BTG4: variants seen among roughly 807,000 people sequenced by gnomAD.
The protein encoded by BTG4 is BTG anti-proliferation factor 4.
BTG4 carries 10 observed loss-of-function variants against 19.3 expected under a neutral mutation model. The ratio of observed to expected loss-of-function variants is 0.52; its 90% confidence interval spans 0.32 to 0.88. The LOEUF is 0.88. Ranked by LOEUF, BTG4 falls within the 40% of genes least tolerant of loss-of-function variation. The probability of loss-of-function intolerance (pLI) is 0.04; values close to 1 mark genes in which losing one functional copy is unlikely to be tolerated. For missense variants in BTG4, 238 were observed against 281.9 expected, an observed-to-expected ratio of 0.84 and a Z score of 1.11; for synonymous variants, 91 against 95.7, an observed-to-expected ratio of 0.95 and a Z score of 0.29.
At chr11:111,431,269 CATAATG>C in the BTG4 span, among the ~76,000 whole-genome samples, 1 of 152,196 alleles carries the variant, frequency 6.6e-6, no homozygotes, top group South Asian at 2.1e-4. Flanking sequence ...GCCTAATAAA[CATAATG>C]ATAACTCCCT....
upstream of BTG4, chr11:111,514,062 T>G (rs1867126940): frequency 6.5e-6 from 1 of 152,900 alleles, no homozygotes; most frequent in South Asian, 2.1e-4. Flanking sequence ...TTGTTAATAC[T>G]TTTATAAGAA....
At chr11:111,388,101 G>A in the BTG4 span, among the ~76,000 whole-genome samples, 1 of 152,176 alleles carries the variant, frequency 6.6e-6, no homozygotes, top group Non-Finnish European at 1.5e-5. Context: ...AAGTCCCTAT[G>A]CTCAAGCAAG....
At chr11:111,390,041 A>G in the BTG4 span, among the ~76,000 whole-genome samples, 1 of 152,240 alleles carries the variant, frequency 6.6e-6, no homozygotes, top group Admixed American at 6.5e-5. Flanking sequence ...CATTTTACAT[A>G]TGAGGAAACA....
At chr11:111,445,545 G>T in the BTG4 span, among the ~76,000 whole-genome samples, 2 of 152,152 alleles carry the variant, frequency 1.3e-5, no homozygotes, top group Admixed American at 1.3e-4. Flanking sequence ...TAGGAAAGAG[G>T]TTCATTAAGT....
chr11:111,481,461 A>C (rs1565450649), intron 5 of BTG4, among the ~76,000 whole-genome samples: 1 of 151,782 alleles, frequency 6.6e-6, no homozygotes, highest in African/African-American at 2.4e-5. Context: ...TATATAATAA[A>C]TTACATATTG....
At chr11:111,423,242 G>A in the BTG4 span, among the ~76,000 whole-genome samples, 2 of 152,142 alleles carry the variant, frequency 1.3e-5, no homozygotes, top group Non-Finnish European at 1.5e-5. Flanking sequence ...CCGGGAGACC[G>A]AATGAGGCAC....
the BTG4 span, among the ~76,000 whole-genome samples, chr11:111,389,723 A>G: frequency 6.6e-5 from 10 of 152,376 alleles, no homozygotes; most frequent in African/African-American, 2.4e-4. Context: ...TTTTAGAAAA[A>G]GGTATAATAA....
chr11:111,487,685 GAT>G (rs1565456361), intron 5 of BTG4, among the ~76,000 whole-genome samples: 1 of 152,026 alleles, frequency 6.6e-6, no homozygotes, highest in African/African-American at 2.4e-5. Context: ...CCTTGCAGAC[GAT>G]ATAGTCTTAT....
the BTG4 span, among the ~76,000 whole-genome samples, chr11:111,413,458 C>T: frequency 1.3e-5 from 2 of 152,246 alleles, no homozygotes; most frequent in South Asian, 4.1e-4. Flanking sequence ...AACACACACC[C>T]AGTGCTGTGA....
the BTG4 span, among the ~76,000 whole-genome samples, chr11:111,460,979 T>G: frequency 6.6e-6 from 1 of 152,024 alleles, no homozygotes; most frequent in African/African-American, 2.4e-5. Context: ...GCACACCTCC[T>G]CCCATTTATT....
At chr11:111,407,212 GTA>G in the BTG4 span, among the ~76,000 whole-genome samples, 8 of 147,426 alleles carry the variant, frequency 5.4e-5, no homozygotes, top group South Asian at 2.1e-4. Context: ...TAAGTATATA[GTA>G]TATATATATA....
the BTG4 span, among the ~76,000 whole-genome samples, chr11:111,424,569 C>T: frequency 6.6e-6 from 1 of 152,206 alleles, no homozygotes; most frequent in Non-Finnish European, 1.5e-5. Flanking sequence ...GCCTCAAAGT[C>T]ATTCATCATC....
intron 1 of BTG4, among the ~76,000 whole-genome samples, chr11:111,506,502 A>T (rs1416163100): frequency 1.3e-5 from 2 of 152,072 alleles, no homozygotes; most frequent in Admixed American, 1.3e-4. Flanking sequence ...AGGGTTGAAA[A>T]ATTACCTACT....
At chr11:111,469,033 T>A (rs1046394227) in intron 5 of BTG4, among the ~76,000 whole-genome samples, 2 of 152,228 alleles carry the variant, frequency 1.3e-5, no homozygotes, top group Non-Finnish European at 2.9e-5. Flanking sequence ...AGAGTTGAAC[T>A]CAAACAATTT....
the BTG4 span, among the ~76,000 whole-genome samples, chr11:111,406,643 C>A: frequency 6.6e-6 from 1 of 152,140 alleles, no homozygotes; most frequent in Non-Finnish European, 1.5e-5. Flanking sequence ...TTTAGTTGGA[C>A]CAGAAATGAG....
chr11:111,467,583 T>C (rs1170467394), exon 6 of BTG4: 8 of 709,984 alleles, frequency 1.1e-5, no homozygotes, highest in Non-Finnish European at 1.8e-5. Context: ...TGAAGATTTC[T>C]TCTCATCTTC....
chr11:111,454,121 C>A, the BTG4 span: 1 of 341,916 alleles, frequency 2.9e-6, no homozygotes, highest in South Asian at 2.3e-5. Context: ...CTTTCAGTAG[C>A]AAGACTGTGC....
chr11:111,458,921 T>C, the BTG4 span, among the ~76,000 whole-genome samples: 29 of 152,320 alleles, frequency 1.9e-4, no homozygotes, highest in South Asian at 3.7e-3. Context: ...TGCCACTGTT[T>C]TACCATCTTT....
chr11:111,444,527 C>G, the BTG4 span, among the ~76,000 whole-genome samples: 1 of 152,006 alleles, frequency 6.6e-6, no homozygotes, highest in African/African-American at 2.4e-5. Flanking sequence ...TGAATAAGAC[C>G]TACTATTTGA....
Sources: gnomAD v4.1 joint callset for allele counts (sites outside exome capture counted in the v4.1 genomes callset) on GRCh38, gnomAD v4.1.1 for gene constraint, MANE v1.5 for transcripts, NCBI Gene and HGNC (gene_info 2026-07-23, HGNC 2026-07-21) for gene names.